The following XK variants were observed in gnomAD, a reference collection of about 807,000 sequenced individuals.
The protein encoded by XK is X-linked Kx blood group antigen, Kell and VPS13A binding protein.
In XK, 2 loss-of-function variants were observed where a neutral mutation model predicts 14.0. That is an observed-to-expected ratio of 0.14 (90% CI 0.06 to 0.45). The LOEUF is 0.45. XK is among the 20% of genes least tolerant of loss of function. The probability of loss-of-function intolerance (pLI) is 0.98; values close to 1 mark genes in which losing one functional copy is unlikely to be tolerated. For synonymous variants in XK, 149 were observed against 147.5 expected (o/e 1.01, Z -0.08); for missense variants, 235 against 341.5 (o/e 0.69, Z 2.46).
At position 37,685,973 on chromosome X, in the gene XK, G is replaced by A. The variant is rs1927056588; in HGVS notation, c.12G>A (p.Pro4=). 1 of 1,206,089 alleles carries A rather than the reference G, an allele frequency of 8.3e-7. No individual in the cohort carries two copies. The highest frequency in any genetic ancestry group is 3.0e-5 in the East Asian group (1 of 33,666). MKF[P]ASVLASVFLF... ...GCTGACGCGCGGAGATGAAATTCCC[G>A]GCCTCGGTGCTGGCGTCCGTGTTCC... The change falls in exon 1 of 3, where the codon CCG becomes CCA. Residue 4 remains proline (P), a synonymous_variant. Coordinates refer to ENST00000378616, the MANE Select transcript of XK (RefSeq NM_021083.4).
intron 2 of XK, among the ~76,000 whole-genome samples, chrX:37,707,917 T>C (rs1269400133): frequency 7.1e-5 from 8 of 112,430 alleles, no homozygotes; most frequent in African/African-American, 2.6e-4. Flanking sequence ...CTGGGCACCA[T>C]TGAGCACTGA....
At position 37,730,089 on chromosome X, in the gene XK, AT is replaced by A. The variant is rs1319267387; in HGVS notation, c.*1630del. The stretch of plus-strand genomic sequence containing the variant: ...TAGAGCCTCAATTTTGGTTTTTCTC[AT>A]TTGAAATGTTTTTGATTTATCAATA... On this transcript the variant is annotated 3_prime_UTR_variant, in exon 3 of 3. Transcript: ENST00000378616. 1 of 111,726 alleles carries A rather than the reference AT, an allele frequency of 9.0e-6. No homozygotes were observed. The highest frequency in any genetic ancestry group is 1.9e-5 in the Non-Finnish European group (1 of 53,067). 9.2% of individuals were successfully genotyped at this position (111,726 alleles called of 1,213,427 possible).
In XK at chrX:37,691,389, G is replaced by A. The variant is rs193264245; in HGVS notation, c.246-2897G>A. ...AGCAGAAAACAGATTTGCACAATGAGGAAAATAAAAGCTCTCATTTGACTG... is the reference window on the plus strand; with the variant it reads ...AGCAGAAAACAGATTTGCACAATGAAGAAAATAAAAGCTCTCATTTGACTG... On this transcript the variant is annotated intron_variant, in intron 1 of 2. Transcript: ENST00000378616. Among the ~76,000 whole-genome samples, 98 of 112,507 alleles carry A rather than the reference G, an allele frequency of 8.7e-4. 1 individual carries two copies. In the Admixed American group the frequency reaches 9.0e-3, roughly 10 times the overall value.
chrX:37,699,952 C>T (rs782568307), intron 2 of XK, among the ~76,000 whole-genome samples: 2 of 110,953 alleles, frequency 1.8e-5, no homozygotes, highest in Non-Finnish European at 3.8e-5. Context: ...TCGACGAGGG[C>T]TGATCAAAAC....
At chrX:37,700,490 TCCAGGAGAAGCTATCCCA>T (rs1927390703) in intron 2 of XK, among the ~76,000 whole-genome samples, 1 of 112,235 alleles carries the variant, frequency 8.9e-6, no homozygotes, top group Non-Finnish European at 1.9e-5. Context: ...CCTTGAGACA[TCCAGGAGAAGCTATCCCA>T]TAGAGAGCTG....
intron 2 of XK, among the ~76,000 whole-genome samples, chrX:37,723,646 G>A (rs1313441670): frequency 9.0e-6 from 1 of 110,741 alleles, no homozygotes; most frequent in African/African-American, 3.3e-5. Context: ...AAAATTATGT[G>A]GGCCATAGTA....
At chrX:37,690,498 G>A (rs1007517034) in intron 1 of XK, among the ~76,000 whole-genome samples, 1 of 112,433 alleles carries the variant, frequency 8.9e-6, no homozygotes, top group Non-Finnish European at 1.9e-5. Flanking sequence ...CTTCTGCTAT[G>A]ATACTTGAAA....
chrX:37,688,059 C>CTTTCT (rs1222917921), intron 1 of XK, among the ~76,000 whole-genome samples: 735 of 54,583 alleles, frequency 0.013, 16 homozygotes, highest in Non-Finnish European at 0.02. Context: ...TTCTTTCTTT[C>CTTTCT]TTTTTTTTTT....
intron 2 of XK, among the ~76,000 whole-genome samples, chrX:37,705,289 CAAAAAA>C (rs5902157): frequency 1.1e-4 from 11 of 98,959 alleles, no homozygotes; most frequent in Non-Finnish European, 2.1e-4. Context: ...ACTAAAAATA[CAAAAAA>C]AAAAAAATTA....
chrX:37,727,436 A>G (rs781991671), intron 2 of XK, among the ~76,000 whole-genome samples, 200 bp from the exon 3 acceptor site: 2 of 111,389 alleles, frequency 1.8e-5, no homozygotes, highest in South Asian at 7.7e-4. Flanking sequence ...TCAGCCTGAC[A>G]GGCACCTGGA....
rs147939363 is a variant in XK, at chrX:37,686,021, G to A, written c.60G>A (p.Ala20=). Residue 20 remains alanine, a synonymous_variant, in exon 1 of 3, where the codon GCG becomes GCA. Coordinates refer to ENST00000378616, the MANE Select transcript of XK (RefSeq NM_021083.4). The part of the protein sequence containing the change: ...SVFLFVAETT[A]ALSLSSTYRS... The stretch of plus-strand genomic sequence containing the variant: ...TCCTGTTCGTGGCCGAGACAACGGC[G>A]GCGCTCAGCCTGAGCAGCACCTACC... 36 of 1,207,897 alleles carry A rather than the reference G, an allele frequency of 3.0e-5. No individual in the cohort carries two copies. The African/African-American group carries it at 3.6e-4, about 12-fold the overall frequency.
intron 1 of XK, among the ~76,000 whole-genome samples, chrX:37,687,060 T>C (rs1489895274): frequency 9.1e-6 from 1 of 110,428 alleles, no homozygotes; most frequent in Admixed American, 9.6e-5. Context: ...AAGTTTATAA[T>C]ACTGAATTTT....
chrX:37,696,885 G>A (rs1481629335), intron 2 of XK, among the ~76,000 whole-genome samples: 1 of 111,730 alleles, frequency 9.0e-6, no homozygotes, highest in Non-Finnish European at 1.9e-5. Context: ...GAAGAAGGAA[G>A]GGTAGATATA....
At chrX:37,716,038 C>T (rs1054165605) in intron 2 of XK, among the ~76,000 whole-genome samples, 1 of 111,831 alleles carries the variant, frequency 8.9e-6, no homozygotes, top group Non-Finnish European at 1.9e-5. Flanking sequence ...GCCTCCTACC[C>T]ACCTCCACAC....
At chrX:37,704,538 TA>T (rs199669827) in intron 2 of XK, among the ~76,000 whole-genome samples, 1,519 of 102,888 alleles carry the variant, frequency 0.015, 25 homozygotes, top group African/African-American at 0.049. Context: ...CCACAATTCT[TA>T]AAAAAAAAAG....
chrX:37,720,236 A>G (rs1206417628), intron 2 of XK, among the ~76,000 whole-genome samples: 3 of 110,561 alleles, frequency 2.7e-5, no homozygotes, highest in African/African-American at 9.8e-5. Context: ...CAGCTTCAGA[A>G]TTTTCTCGAG....
At chrX:37,709,113 A>C (rs1322855087) in intron 2 of XK, among the ~76,000 whole-genome samples, 1 of 112,150 alleles carries the variant, frequency 8.9e-6, no homozygotes, top group African/African-American at 3.2e-5. Flanking sequence ...TTAATTCCAC[A>C]GTGTGGCAGA....
chrX:37,695,061 A>C (rs1294935462), intron 2 of XK, among the ~76,000 whole-genome samples: 1 of 112,304 alleles, frequency 8.9e-6, no homozygotes, highest in Non-Finnish European at 1.9e-5. Context: ...CATTGTTGAA[A>C]TACTTACAGA....
intron 1 of XK, among the ~76,000 whole-genome samples, chrX:37,688,514 A>G (rs1927142565): frequency 8.9e-6 from 1 of 112,058 alleles, no homozygotes; most frequent in Non-Finnish European, 1.9e-5. Flanking sequence ...AATCCTCACC[A>G]TGACATAGAC....
Sources: gnomAD v4.1 joint callset for allele counts (sites outside exome capture counted in the v4.1 genomes callset) on GRCh38, gnomAD v4.1.1 for gene constraint, MANE v1.5 for transcripts, NCBI Gene and HGNC (gene_info 2026-07-23, HGNC 2026-07-21) for gene names.